The following MAP3K7CL variants were observed in gnomAD, a reference collection of about 807,000 sequenced individuals.
MAP3K7CL encodes the protein MAP3K7 C-terminal like, also known as MAP3K7 C-terminal-like protein.
A neutral mutation model predicts 18.6 loss-of-function variants in MAP3K7CL; 16 were observed. The ratio of observed to expected loss-of-function variants is 0.86; its 90% CI spans 0.58 to 1.31. The LOEUF is 1.31. MAP3K7CL is among the 50% of genes most tolerant of loss of function. The pLI, the probability that MAP3K7CL is intolerant of heterozygous loss-of-function variation, is 0.00. For synonymous variants in MAP3K7CL, 65 were observed against 66.8 expected (o/e 0.97, Z 0.13); for missense variants, 163 against 174.4 (o/e 0.93, Z 0.37).
At chr21:29,133,481 C>T in intron 2 of MAP3K7CL, 67 bp downstream of exon 2, 6 of 1,225,710 alleles carry the variant, frequency 4.9e-6, no homozygotes, top group Non-Finnish European at 5.6e-6. Context: ...TTTTCTAATG[C>T]CACGCCTCTG....
intron 4 of MAP3K7CL, among the ~76,000 whole-genome samples, 196 bp from the exon 5 acceptor site, chr21:29,174,516 T>A (rs996067585): frequency 2.6e-5 from 4 of 152,222 alleles, no homozygotes; most frequent in Non-Finnish European, 4.4e-5. Flanking sequence ...TGGAAGTGTC[T>A]AGTCGAGGTG....
chr21:29,141,040 G>A (rs953923065), intron 2 of MAP3K7CL, among the ~76,000 whole-genome samples: 1 of 152,154 alleles, frequency 6.6e-6, no homozygotes, highest in African/African-American at 2.4e-5. Flanking sequence ...GCCTCCCAAA[G>A]TGCTGAGATT....
intron 3 of MAP3K7CL, among the ~76,000 whole-genome samples, chr21:29,149,662 T>G (rs2087224454): frequency 6.6e-6 from 1 of 152,256 alleles, no homozygotes; most frequent in African/African-American, 2.4e-5. Flanking sequence ...TTCCTTTCTC[T>G]GTTCCCTGCC....
chr21:29,085,675 C>T (rs1217187285), upstream of MAP3K7CL: 18 of 461,068 alleles, frequency 3.9e-5, no homozygotes, highest in Non-Finnish European at 6.9e-5. Flanking sequence ...TAGAAAACCT[C>T]GTTCTCCCCA....
In MAP3K7CL at chr21:29,130,718, G is replaced by T; in HGVS notation, c.-245G>T. The stretch of plus-strand genomic sequence containing the variant: ...AAGGGAAGCGGAAGGGAAGGGAAGG[G>T]AGGTCCCGTGGGACGCTGGGGTCTG... On this transcript the variant is annotated 5_prime_UTR_variant, in exon 1 of 5. Transcript: ENST00000399928. The T allele has an allele frequency of 1.0e-6, 1 of 985,598 alleles. No homozygotes were observed. The allele number at this position is 985,598 out of a possible 1,614,324, so 61.1% of individuals were successfully genotyped here.
At chr21:29,085,667 G>C, upstream of MAP3K7CL, 2 of 377,468 alleles carry the variant, frequency 5.3e-6, no homozygotes, top group Non-Finnish European at 9.6e-6. Flanking sequence ...CATTTATGTA[G>C]AAAACCTCGT....
intron 4 of MAP3K7CL, among the ~76,000 whole-genome samples, chr21:29,101,406 G>GTTTGT (rs1016401853): frequency 3.9e-5 from 6 of 152,190 alleles, no homozygotes; most frequent in African/African-American, 1.2e-4. Context: ...TGTTTAACAT[G>GTTTGT]TTTGTTTTGT....
intron 4 of MAP3K7CL, among the ~76,000 whole-genome samples, chr21:29,173,666 A>G (rs553539349): frequency 2.9e-4 from 44 of 152,066 alleles, no homozygotes; most frequent in African/African-American, 1.0e-3. Context: ...TATCATGTTT[A>G]TTAAATCTAC....
intron 4 of MAP3K7CL, among the ~76,000 whole-genome samples, chr21:29,161,151 A>T (rs2146728333): frequency 6.6e-6 from 1 of 152,290 alleles, no homozygotes; most frequent in Non-Finnish European, 1.5e-5. Flanking sequence ...CTCTACTAAA[A>T]ATACAAAAAT....
intron 3 of MAP3K7CL, among the ~76,000 whole-genome samples, chr21:29,150,297 A>G (rs1330632210): frequency 2.0e-5 from 3 of 152,182 alleles, no homozygotes; most frequent in Non-Finnish European, 4.4e-5. Context: ...CTCAGTATGC[A>G]GAGCACTGTG....
chr21:29,149,454 C>A (rs1371603242), intron 3 of MAP3K7CL, among the ~76,000 whole-genome samples: 7 of 152,186 alleles, frequency 4.6e-5, no homozygotes. Flanking sequence ...GGCTATGGCA[C>A]CAGGACAGCA....
At chr21:29,121,325 A>G (rs981449403) in intron 4 of MAP3K7CL, among the ~76,000 whole-genome samples, 3 of 152,128 alleles carry the variant, frequency 2.0e-5, no homozygotes, top group African/African-American at 7.2e-5. Context: ...AAGCTAAAAT[A>G]AAGAAAGCTG....
intron 4 of MAP3K7CL, among the ~76,000 whole-genome samples, chr21:29,164,672 A>G (rs896833881): frequency 6.6e-6 from 1 of 152,216 alleles, no homozygotes; most frequent in Non-Finnish European, 1.5e-5. Flanking sequence ...TAAACTCAGC[A>G]TTGGCTGAAT....
intron 1 of MAP3K7CL, chr21:29,086,020 A>C: frequency 6.9e-6 from 9 of 1,309,124 alleles, no homozygotes; most frequent in East Asian, 2.3e-5. Context: ...GCAGAGAGAA[A>C]TGGACCTTGG....
chr21:29,144,679 G>T (rs1568959805), intron 2 of MAP3K7CL, among the ~76,000 whole-genome samples: 2 of 152,354 alleles, frequency 1.3e-5, no homozygotes, highest in South Asian at 2.1e-4. Flanking sequence ...GGCTGGACCA[G>T]ATGGTTGCCT....
At chr21:29,086,681 C>G (rs140194387) in intron 1 of MAP3K7CL, among the ~76,000 whole-genome samples, 1 of 152,160 alleles carries the variant, frequency 6.6e-6, no homozygotes, top group South Asian at 2.1e-4. Flanking sequence ...CCCACAGTAA[C>G]GAGAATCTGG....
chr21:29,173,370 T>C (rs1036107841), intron 4 of MAP3K7CL, among the ~76,000 whole-genome samples: 3 of 152,254 alleles, frequency 2.0e-5, no homozygotes, highest in African/African-American at 7.2e-5. Flanking sequence ...TTTGAAATCA[T>C]ATGTTAGATG....
exon 2 of MAP3K7CL, chr21:29,091,576 G>C (rs971991189): frequency 1.4e-6 from 1 of 701,174 alleles, no homozygotes; most frequent in African/African-American, 1.7e-5. Flanking sequence ...CCTGGGCCCA[G>C]GTAATTGTCC....
intron 1 of MAP3K7CL, among the ~76,000 whole-genome samples, chr21:29,086,115 C>T (rs982860011): frequency 7.2e-5 from 11 of 152,140 alleles, no homozygotes; most frequent in Admixed American, 2.0e-4. Flanking sequence ...TCTGGGACAC[C>T]GGTTCTTTCC....
Sources: allele counts gnomAD v4.1 joint callset (sites outside exome capture counted in the v4.1 genomes callset), GRCh38; gene constraint gnomAD v4.1.1; transcripts MANE v1.5; gene names NCBI Gene and HGNC (gene_info 2026-07-23, HGNC 2026-07-21).